Variants in CDH12 observed in about 807,000 individuals in gnomAD.
The protein encoded by CDH12 is cadherin 12, also known as cadherin-12.
A neutral mutation model predicts 74.1 loss-of-function variants in CDH12; 41 were observed. The ratio of observed to expected loss-of-function variants is 0.55; its 90% confidence interval spans 0.43 to 0.72. CDH12 has a LOEUF of 0.72. Ranked by LOEUF, CDH12 falls within the 30% of genes least tolerant of loss-of-function variation. The probability of loss-of-function intolerance (pLI) is 0.00; values close to 1 mark genes in which losing one functional copy is unlikely to be tolerated. For synonymous variants in CDH12, 399 were observed against 355.0 expected (o/e 1.12, Z -1.39); for missense variants, 945 against 977.2 (o/e 0.97, Z 0.44).
intron 6 of CDH12, among the ~76,000 whole-genome samples, chr5:21,933,068 G>A (rs969495763): frequency 6.6e-6 from 1 of 151,512 alleles, no homozygotes; most frequent in Non-Finnish European, 1.5e-5. Flanking sequence ...TATTCATTAA[G>A]TACATTATCT....
At chr5:22,810,752 G>T (rs1035554852) in intron 1 of CDH12, among the ~76,000 whole-genome samples, 1 of 151,980 alleles carries the variant, frequency 6.6e-6, no homozygotes, top group African/African-American at 2.4e-5. Context: ...AGTGGTATAC[G>T]CATGTAGGCA....
At chr5:22,045,591 C>T (rs1201679691) in intron 5 of CDH12, among the ~76,000 whole-genome samples, 1 of 137,106 alleles carries the variant, frequency 7.3e-6, no homozygotes, top group Non-Finnish European at 1.5e-5. Context: ...AAAAATGGTA[C>T]ACTATTCAGC....
chr5:21,856,302 C>G (rs1264250852), intron 6 of CDH12, among the ~76,000 whole-genome samples: 1 of 151,684 alleles, frequency 6.6e-6, no homozygotes, highest in African/African-American at 2.4e-5. Context: ...CATTTTCCCC[C>G]AGAATATTCA....
intron 1 of CDH12, among the ~76,000 whole-genome samples, chr5:22,539,334 C>A (rs1737996363): frequency 6.6e-6 from 1 of 152,106 alleles, no homozygotes; most frequent in South Asian, 2.1e-4. Context: ...CTCCATAAGT[C>A]CAGAGGTAAT....
intron 3 of CDH12, among the ~76,000 whole-genome samples, chr5:22,384,943 T>C (rs1741936224): frequency 6.6e-6 from 1 of 152,228 alleles, no homozygotes; most frequent in Non-Finnish European, 1.5e-5. Context: ...GTTGTCATTG[T>C]TTCTACAAAT....
chr5:21,919,911 T>C (rs1194781975), intron 6 of CDH12, among the ~76,000 whole-genome samples: 1 of 152,162 alleles, frequency 6.6e-6, no homozygotes, highest in East Asian at 1.9e-4. Context: ...AAAAAATTTC[T>C]ATAGCTACCA....
intron 1 of CDH12, among the ~76,000 whole-genome samples, chr5:22,834,465 T>G (rs1442807180): frequency 6.6e-6 from 1 of 152,144 alleles, no homozygotes; most frequent in Non-Finnish European, 1.5e-5. Flanking sequence ...ATGAGCACAT[T>G]TATTATAAAA....
chr5:22,351,440 T>A (rs778076146), intron 3 of CDH12, among the ~76,000 whole-genome samples: 1 of 152,146 alleles, frequency 6.6e-6, no homozygotes, highest in African/African-American at 2.4e-5. Flanking sequence ...CAATACAAAT[T>A]GGTGCTTTAT....
At chr5:21,872,894 C>CTATCTATCTATCT (rs1751711974) in intron 6 of CDH12, among the ~76,000 whole-genome samples, 2 of 146,750 alleles carry the variant, frequency 1.4e-5, no homozygotes, top group African/African-American at 5.1e-5. Flanking sequence ...ACCTATCATC[C>CTATCTATCTATCT]ATCTATCTAT....
At chr5:22,059,275 C>CTATT (rs1740990492) in intron 5 of CDH12, among the ~76,000 whole-genome samples, 1 of 151,562 alleles carries the variant, frequency 6.6e-6, no homozygotes, top group Non-Finnish European at 1.5e-5. Context: ...ATCTATCTAT[C>CTATT]TATCTATCTA....
chr5:22,469,486 A>G (rs868615280), intron 2 of CDH12, among the ~76,000 whole-genome samples: 2 of 151,230 alleles, frequency 1.3e-5, no homozygotes, highest in Non-Finnish European at 3.0e-5. Flanking sequence ...GTGTCCGAAT[A>G]CCCTCTTCTT....
chr5:22,431,153 A>C (rs185672827), intron 2 of CDH12, among the ~76,000 whole-genome samples: 387 of 152,260 alleles, frequency 2.5e-3, no homozygotes, highest in African/African-American at 9.0e-3. Context: ...TGTGTATTTC[A>C]TTATGATTCT....
chr5:22,569,808 C>A (rs1739458614), intron 1 of CDH12, among the ~76,000 whole-genome samples: 1 of 152,126 alleles, frequency 6.6e-6, no homozygotes, highest in East Asian at 1.9e-4. Context: ...CAGTTACTTC[C>A]TCTACTAAAG....
At chr5:22,015,641 T>C (rs1314051474) in intron 5 of CDH12, among the ~76,000 whole-genome samples, 1 of 152,156 alleles carries the variant, frequency 6.6e-6, no homozygotes, top group African/African-American at 2.4e-5. Context: ...CAAATGACTT[T>C]CAGCTATTTA....
chr5:22,468,100 A>G (rs1580680427), intron 2 of CDH12, among the ~76,000 whole-genome samples: 1 of 152,212 alleles, frequency 6.6e-6, no homozygotes, highest in Non-Finnish European at 1.5e-5. Context: ...TGAAAGCTCT[A>G]CTCTCAGGCA....
intron 12 of CDH12, among the ~76,000 whole-genome samples, chr5:21,761,537 A>C (rs941825969): frequency 2.6e-5 from 4 of 152,150 alleles, no homozygotes; most frequent in Non-Finnish European, 5.9e-5. Flanking sequence ...TTGAATCTGC[A>C]AGAGGAAGGC....
At chr5:22,780,847 T>G (rs976260257) in intron 1 of CDH12, among the ~76,000 whole-genome samples, 1 of 152,152 alleles carries the variant, frequency 6.6e-6, no homozygotes, top group Non-Finnish European at 1.5e-5. Context: ...TTCCAAATAC[T>G]TGTGGTATAA....
chr5:22,272,170 T>G (rs963965703), intron 3 of CDH12, among the ~76,000 whole-genome samples: 2 of 152,222 alleles, frequency 1.3e-5, no homozygotes, highest in East Asian at 1.9e-4. Flanking sequence ...CTGGATAACT[T>G]GCTGCAGCTT....
chr5:22,514,026 ATATAAG>A (rs1241219773), intron 1 of CDH12, among the ~76,000 whole-genome samples: 17 of 151,446 alleles, frequency 1.1e-4, no homozygotes, highest in East Asian at 5.8e-4. Flanking sequence ...TTTTTAAGTA[ATATAAG>A]TATAATACAA....
Sources: allele counts gnomAD v4.1 joint callset (sites outside exome capture counted in the v4.1 genomes callset), GRCh38; gene constraint gnomAD v4.1.1; transcripts MANE v1.5; gene names NCBI Gene and HGNC (gene_info 2026-07-23, HGNC 2026-07-21).